The following PRIM2 variants were observed in gnomAD, a reference collection of about 807,000 sequenced individuals.
The protein encoded by PRIM2 is DNA primase subunit 2, also known as DNA primase large subunit.
Under a neutral mutation model 67.3 loss-of-function variants are expected in PRIM2, and 39 were observed. The observed-to-expected ratio is 0.58, with a 90% CI of 0.45 to 0.76. The LOEUF is 0.76. Ranked by LOEUF, PRIM2 falls within the 30% of genes least tolerant of loss-of-function variation. The probability of loss-of-function intolerance (pLI) is 0.00; values close to 1 mark genes in which losing one functional copy is unlikely to be tolerated. For missense variants in PRIM2, 398 were observed against 598.7 expected (o/e 0.66, Z 3.50); for synonymous variants, 143 against 198.7 (o/e 0.72, Z 2.36).
At chr6:57,479,220 A>C (rs1773553544) in intron 7 of PRIM2, among the ~76,000 whole-genome samples, 1 of 152,226 alleles carries the variant, frequency 6.6e-6, no homozygotes, top group African/African-American at 2.4e-5. Context: ...AAACCCCATA[A>C]ATTAAGAATA....
intron 7 of PRIM2, among the ~76,000 whole-genome samples, chr6:57,480,897 A>G (rs1773607875): frequency 1.3e-5 from 2 of 152,292 alleles, no homozygotes; most frequent in South Asian, 2.1e-4. Context: ...AAGTGCTGAG[A>G]TGACAGGCGT....
chr6:57,535,713 A>G (rs1774988660), intron 9 of PRIM2, among the ~76,000 whole-genome samples: 1 of 152,008 alleles, frequency 6.6e-6, no homozygotes, highest in African/African-American at 2.4e-5. Context: ...ACAAATACCA[A>G]AATCAGCTGG....
intron 5 of PRIM2, among the ~76,000 whole-genome samples, chr6:57,356,797 G>A (rs534219630): frequency 6.6e-6 from 1 of 152,180 alleles, no homozygotes; most frequent in East Asian, 1.9e-4. Flanking sequence ...GAGTGCTGTT[G>A]ATTTTATCCT....
At position 57,488,534 on chromosome 6, in the gene PRIM2, T is replaced by G. The variant is rs1562774439; in HGVS notation, c.694-18853T>G. Among the ~76,000 whole-genome samples the G allele has an allele frequency of 1.6e-4, 24 of 152,334 alleles. No individual in the cohort carries two copies. In the South Asian group the frequency reaches 5.0e-3, roughly 32 times the overall value. ...ACTTGGAATTTTACTGAGAAATGAT[T>G]CTGAGAATGTTTTTGTACTTACCGA... On this transcript the variant is annotated intron_variant, in intron 7 of 13. Transcript: ENST00000615550.
At chr6:57,243,009 A>C in the PRIM2 span, among the ~76,000 whole-genome samples, 1 of 152,376 alleles carries the variant, frequency 6.6e-6, no homozygotes, top group Admixed American at 6.5e-5. Context: ...ATCAACTATC[A>C]ATATCATCTA....
the PRIM2 span, among the ~76,000 whole-genome samples, chr6:57,270,693 C>A: frequency 6.6e-6 from 1 of 152,062 alleles, no homozygotes; most frequent in Non-Finnish European, 1.5e-5. Flanking sequence ...AGAGGGCATC[C>A]CTGTCTTGTG....
At chr6:57,320,061 C>CT (rs1419015725) in intron 2 of PRIM2, among the ~76,000 whole-genome samples, 1 of 152,162 alleles carries the variant, frequency 6.6e-6, no homozygotes, top group Non-Finnish European at 1.5e-5. Flanking sequence ...GGAAGGGATG[C>CT]TTTTTTTCTG....
chr6:57,229,945 C>G, the PRIM2 span, among the ~76,000 whole-genome samples: 1 of 152,124 alleles, frequency 6.6e-6, no homozygotes, highest in Non-Finnish European at 1.5e-5. Flanking sequence ...TGAGGGCTGC[C>G]TTTTCTATGG....
chr6:57,401,255 C>A (rs781389851), intron 7 of PRIM2, among the ~76,000 whole-genome samples: 2 of 138,056 alleles, frequency 1.4e-5, no homozygotes, highest in East Asian at 2.1e-4. Context: ...CAGTGTAGAT[C>A]GAGTAGTCAG....
chr6:57,613,250 T>A (rs1776697512), intron 12 of PRIM2, among the ~76,000 whole-genome samples: 3 of 152,284 alleles, frequency 2.0e-5, no homozygotes, highest in African/African-American at 7.2e-5. Context: ...TCCTATGTAA[T>A]AAAAAATGGA....
At chr6:57,330,643 G>C (rs1425887997) in intron 5 of PRIM2, among the ~76,000 whole-genome samples, 1 of 152,092 alleles carries the variant, frequency 6.6e-6, no homozygotes, top group Non-Finnish European at 1.5e-5. Context: ...TGTCCAGCTA[G>C]AATCTCCAGT....
At chr6:57,610,854 A>G (rs1277250365) in intron 12 of PRIM2, among the ~76,000 whole-genome samples, 6 of 152,278 alleles carry the variant, frequency 3.9e-5, no homozygotes, top group Non-Finnish European at 8.8e-5. Context: ...CTGTCAACCA[A>G]CTTTACCTAA....
In PRIM2 at chr6:57,340,460, T is replaced by C. The variant is rs1481026981; in HGVS notation, c.459+14415T>C. Among the ~76,000 whole-genome samples the C allele has an allele frequency of 2.6e-5, 4 of 152,184 alleles. No homozygotes were observed. In the East Asian group the frequency reaches 7.7e-4, roughly 29 times the overall value. On this transcript the variant is annotated intron_variant, in intron 5 of 13. Coordinates refer to ENST00000615550, the MANE Select transcript of PRIM2 (RefSeq NM_000947.5). ...AGCAAAGACTTGGAACCAACCCAAA[T>C]GTCCAACAATGATAGACTGGATTAA...
At chr6:57,543,339 A>G (rs1775217219) in intron 10 of PRIM2, among the ~76,000 whole-genome samples, 2 of 152,204 alleles carry the variant, frequency 1.3e-5, no homozygotes, top group South Asian at 4.1e-4. Context: ...TTGAAATAAC[A>G]GCTTCTGTTT....
the PRIM2 span, among the ~76,000 whole-genome samples, chr6:57,290,646 A>G: frequency 6.6e-6 from 1 of 152,206 alleles, no homozygotes; most frequent in Admixed American, 6.5e-5. Flanking sequence ...AGAAATCACA[A>G]CAGTCTCTCA....
chr6:57,452,722 C>T (rs1157926942), intron 7 of PRIM2, among the ~76,000 whole-genome samples: 1 of 152,116 alleles, frequency 6.6e-6, no homozygotes, highest in Non-Finnish European at 1.5e-5. Context: ...AATTTTCTCC[C>T]ATTCTGTGGG....
At chr6:57,287,628 G>A in the PRIM2 span, among the ~76,000 whole-genome samples, 1 of 152,070 alleles carries the variant, frequency 6.6e-6, no homozygotes, top group South Asian at 2.1e-4. Flanking sequence ...GGCAAGAGGA[G>A]GGAGAGCATT....
the PRIM2 span, among the ~76,000 whole-genome samples, chr6:57,255,470 C>G: frequency 6.6e-6 from 1 of 150,472 alleles, no homozygotes; most frequent in South Asian, 2.1e-4. Flanking sequence ...TGCACTCCAG[C>G]CTGGGCAACA....
At chr6:57,526,029 G>A (rs1386525778) in intron 8 of PRIM2, among the ~76,000 whole-genome samples, 2 of 152,174 alleles carry the variant, frequency 1.3e-5, no homozygotes, top group South Asian at 2.1e-4. Flanking sequence ...GTGTCTTATA[G>A]AGAGAGAATC....
Sources: gnomAD v4.1 joint callset for allele counts (sites outside exome capture counted in the v4.1 genomes callset) on GRCh38, gnomAD v4.1.1 for gene constraint, MANE v1.5 for transcripts, NCBI Gene and HGNC (gene_info 2026-07-23, HGNC 2026-07-21) for gene names.